Variants in IGDCC3 observed in about 807,000 individuals in gnomAD.
IGDCC3 encodes the protein immunoglobulin superfamily DCC subclass member 3.
IGDCC3 carries 47 observed loss-of-function variants against 72.0 expected under a neutral mutation model. That is an observed-to-expected ratio of 0.65 (90% CI 0.52 to 0.83). IGDCC3 has a LOEUF of 0.83. Ranked by LOEUF, IGDCC3 falls within the 40% of genes least tolerant of loss-of-function variation. IGDCC3 has a pLI of 0.00. For missense variants in IGDCC3, 1,038 were observed against 1,091.3 expected (o/e 0.95, Z 0.69); for synonymous variants, 477 against 472.8 (o/e 1.01, Z -0.11).
intron 2 of IGDCC3, chr15:65,355,624 C>T: frequency 3.1e-6 from 1 of 321,012 alleles, no homozygotes; most frequent in Non-Finnish European, 6.6e-6. Flanking sequence ...AGCTGCGCCC[C>T]GGCCCGCGGC....
intron 2 of IGDCC3, among the ~76,000 whole-genome samples, chr15:65,355,459 A>G (rs1429137530): frequency 6.6e-6 from 1 of 151,488 alleles, no homozygotes; most frequent in Non-Finnish European, 1.5e-5. Context: ...CCCCGGTCCA[A>G]GCGGCCCCAG....
chr15:65,367,390 G>C (rs528246841), intron 2 of IGDCC3, among the ~76,000 whole-genome samples: 83 of 150,478 alleles, frequency 5.5e-4, no homozygotes, highest in Non-Finnish European at 8.9e-4. Flanking sequence ...AATGGGGAGA[G>C]GGGGGAGGGA....
At chr15:65,338,445 A>G (rs891742345) in intron 2 of IGDCC3, among the ~76,000 whole-genome samples, 11 of 152,170 alleles carry the variant, frequency 7.2e-5, no homozygotes, top group African/African-American at 2.7e-4. Flanking sequence ...CTCACTCTCC[A>G]AGGCCAGGTA....
At position 65,371,558 on chromosome 15, in the gene IGDCC3, C is replaced by T. The variant is rs79524512; in HGVS notation, c.409+3539G>A. On this transcript the variant is annotated intron_variant, in intron 2 of 13. Transcript: ENST00000327987. ...TACCTGGGCTCTTGTCAGTCCTTGG[C>T]CTAGAATTATGAATTCAAAATCTCA... Among the ~76,000 whole-genome samples, 97 of 152,256 alleles carry T rather than the reference C, an allele frequency of 6.4e-4. 2 individuals are homozygous for T. In the East Asian group the frequency reaches 0.017, roughly 27 times the overall value.
In IGDCC3 at chr15:65,328,929, G is replaced by GTGTAGAT; in HGVS notation, c.2424_2425insATCTACA (p.Pro809IlefsTer50). ...ACTGGCTACTGTTCCGAGTGAGCTG[G>GTGTAGAT]CTGGGTAACCCGGGCCGCTGCAGGC... On this transcript the variant is annotated frameshift_variant, in exon 14 of 14. Coordinates refer to ENST00000327987, the MANE Select transcript of IGDCC3 (RefSeq NM_004884.4). LOFTEE classifies it high-confidence loss of function. 3.2e-6 allele frequency: 5 copies of GTGTAGAT among 1,550,154 alleles called. No individual in the cohort carries two copies. Among genetic ancestry groups the GTGTAGAT allele is most frequent in the Admixed American group, 4.1e-5 (2 of 48,906 alleles).
chr15:65,330,201 C>T, intron 11 of IGDCC3, 92 bp downstream of exon 11: 1 of 961,148 alleles, frequency 1.0e-6, no homozygotes. Context: ...GTGGTCTAAG[C>T]CTGTGTTTTC....
In IGDCC3 at chr15:65,335,333, C is replaced by T. The variant is rs759024595; in HGVS notation, c.643G>A (p.Ala215Thr). Residue 215 changes from alanine (A) to threonine (T), a missense_variant, in exon 4 of 14, where the codon GCC becomes ACC. Ala to Thr is a moderately conservative substitution (Grantham distance 58, BLOSUM62 0). Coordinates refer to ENST00000327987, the MANE Select transcript of IGDCC3 (RefSeq NM_004884.4). ...GIFHCVASNI[A>T]SIRISHGARL... is the part of the protein sequence containing the mutation. ...GCCCCGTGGCTGATCCGGATACTGGCGATGTTTGAGGCCACACAGTGGAAG... is the reference window on the plus strand; with the variant it reads ...GCCCCGTGGCTGATCCGGATACTGGTGATGTTTGAGGCCACACAGTGGAAG... 5.0e-6 allele frequency: 8 copies of T among 1,613,494 alleles called. No individual in the cohort carries two copies. Among genetic ancestry groups the T allele is most frequent in the Admixed American group, 3.3e-5 (2 of 59,914 alleles).
At chr15:65,333,555 A>G (rs1289959805) in intron 5 of IGDCC3, 140 bp from the exon 6 acceptor site, 17 of 752,176 alleles carry the variant, frequency 2.3e-5, no homozygotes, top group Non-Finnish European at 3.5e-5. Context: ...CTTCCCTCCT[A>G]GGCACCTTAA....
At chr15:65,359,975 A>G (rs567481118) in intron 2 of IGDCC3, among the ~76,000 whole-genome samples, 2 of 152,066 alleles carry the variant, frequency 1.3e-5, no homozygotes, top group African/African-American at 4.8e-5. Flanking sequence ...ATCCTCCCAT[A>G]TAATACCCAC....
Position 65,335,314 on chromosome 15 carries a change from T to A in IGDCC3, c.662A>T (p.His221Leu). 6.2e-7 allele frequency: 1 copy of A among 1,613,000 alleles called. No individual in the cohort carries two copies. Among genetic ancestry groups the A allele is most frequent in the Non-Finnish European group, 8.5e-7 (1 of 1,179,436 alleles). ...ACCTGACACAGTGAGCCTGGCCCCG[T>A]GGCTGATCCGGATACTGGCGATGTT... Reference protein sequence around the residue: ...ASNIASIRISHGARLTVSGSG... With the variant: ...ASNIASIRISLGARLTVSGSG... Residue 221 changes from histidine (H) to leucine (L), a missense_variant, in exon 4 of 14, where the codon CAC (histidine) becomes CTC (leucine). Transcript: ENST00000327987.
intron 6 of IGDCC3, among the ~76,000 whole-genome samples, chr15:65,332,764 A>G (rs999928628): frequency 1.3e-5 from 2 of 152,240 alleles, no homozygotes; most frequent in African/African-American, 2.4e-5. Context: ...CCAGAGGCCG[A>G]TGGAAGGACC....
chr15:65,370,598 G>A (rs28440927), intron 2 of IGDCC3, among the ~76,000 whole-genome samples: 6 of 97,848 alleles, frequency 6.1e-5, no homozygotes, highest in East Asian at 3.0e-4. Flanking sequence ...GTATATATAT[G>A]TATGTGTATA....
chr15:65,357,898 A>G lies in IGDCC3; in HGVS notation c.409+17199T>C, dbSNP rs1246265770. Among the ~76,000 whole-genome samples the G allele has an allele frequency of 2.0e-5, 3 of 152,194 alleles. No individual in the cohort carries two copies. In the East Asian group the frequency reaches 5.8e-4, roughly 29 times the overall value. On this transcript the variant is annotated intron_variant, in intron 2 of 13. Transcript: ENST00000327987. ...ACCTATCTGCCTAGTTAGTCAGTTT[A>G]GAGAACTCCAAAACAAAACAAAACA... is the stretch of plus-strand genomic sequence containing the variant.
chr15:65,349,876 C>T (rs1169928071), intron 2 of IGDCC3, among the ~76,000 whole-genome samples: 1 of 152,176 alleles, frequency 6.6e-6, no homozygotes, highest in Non-Finnish European at 1.5e-5. Context: ...ATGGGCCCAT[C>T]CTGTAGCTCA....
chr15:65,356,012 C>A, intron 2 of IGDCC3: 1 of 276,354 alleles, frequency 3.6e-6, no homozygotes, highest in South Asian at 2.6e-5. Context: ...CCCGGACTCG[C>A]CCTCGTCCCT....
chr15:65,328,957 G>C lies in IGDCC3; in HGVS notation c.2397C>G (p.Ser799=), dbSNP rs750296220. The C allele has an allele frequency of 2.5e-6, 4 of 1,584,544 alleles. No individual in the cohort carries two copies. Among genetic ancestry groups the C allele is most frequent in the Non-Finnish European group, 3.4e-6 (4 of 1,168,230 alleles). The change falls in exon 14 of 14, where the codon TCC becomes TCG. Residue 799 remains serine, a synonymous_variant. Coordinates refer to ENST00000327987, the MANE Select transcript of IGDCC3 (RefSeq NM_004884.4). ...GGGTAACCCGGGCCGCTGCAGGCCT[G>C]GAAGCCTGGCCTTCACTGAGGAGGC... ...GPGLLSEGQA[S]RPAAARVTQP...
chr15:65,335,987 C>T (rs368776893), intron 2 of IGDCC3, 31 bp from the exon 3 acceptor site: 69 of 1,612,254 alleles, frequency 4.3e-5, no homozygotes, highest in African/African-American at 1.3e-4. Context: ...GAGTGCAGTG[C>T]GCTGCTGAGG....
Position 65,377,773 on chromosome 15 carries a change from C to T in IGDCC3, c.16G>A (p.Ala6Thr). 2 of 1,296,720 alleles carry T rather than the reference C, an allele frequency of 1.5e-6. No individual in the cohort carries two copies. The highest frequency in any genetic ancestry group is 3.3e-5 in the East Asian group (1 of 30,762). 80.3% of individuals were successfully genotyped at this position (1,296,720 alleles called of 1,614,324 possible). MAVQRAASPRRPPAPL... is the reference protein window; with the variant it reads MAVQRTASPRRPPAPL... ...GCGGGCGGGCGGCGCGGAGACGCGG[C>T]GCGCTGCACAGCCATGGGGCTCTCG... Residue 6 changes from alanine to threonine, a missense_variant, in exon 1 of 14, where the codon GCC (alanine) becomes ACC (threonine). Physicochemically the swap from Ala to Thr is moderately conservative, Grantham distance 58. Coordinates refer to ENST00000327987, the MANE Select transcript of IGDCC3 (RefSeq NM_004884.4). The surrounding 1 kb of genome is among the most constrained non-coding windows in gnomAD (Gnocchi z 4.9).
intron 2 of IGDCC3, among the ~76,000 whole-genome samples, chr15:65,338,790 C>T (rs1478269897): frequency 6.6e-6 from 1 of 152,222 alleles, no homozygotes; most frequent in African/African-American, 2.4e-5. Flanking sequence ...CCAGCCCTGC[C>T]TCCTCATCTG....
Sources: gnomAD v4.1 joint callset for allele counts (sites outside exome capture counted in the v4.1 genomes callset) on GRCh38, gnomAD v4.1.1 for gene constraint, Gnocchi (gnomAD v3.1) non-coding constraint, MANE v1.5 for transcripts, NCBI Gene and HGNC (gene_info 2026-07-23, HGNC 2026-07-21) for gene names.